PTN: variants seen among roughly 807,000 people sequenced by gnomAD.
PTN encodes the protein heparin affin regulatory protein.
In PTN, 18 loss-of-function variants were observed where a neutral mutation model predicts 24.1. The observed-to-expected ratio is 0.75, with a 90% CI of 0.52 to 1.11. The LOEUF is 1.11. Ranked by LOEUF, PTN falls within the 50% of genes least tolerant of loss-of-function variation. PTN has a pLI of 0.00. For synonymous variants in PTN, 78 were observed against 68.6 expected (o/e 1.14, Z -0.67); for missense variants, 163 against 198.8 (o/e 0.82, Z 1.08).
chr7:137,342,570 G>A (rs1393332099), intron 1 of PTN, among the ~76,000 whole-genome samples: 2 of 151,954 alleles, frequency 1.3e-5, no homozygotes, highest in African/African-American at 4.8e-5. Flanking sequence ...ATGTCATGGA[G>A]AAAGGGGTGT....
chr7:137,316,351 C>T (rs1810071800), intron 1 of PTN, among the ~76,000 whole-genome samples: 1 of 152,156 alleles, frequency 6.6e-6, no homozygotes, highest in African/African-American at 2.4e-5. Flanking sequence ...AAATCCTACA[C>T]CTCATTTTCT....
chr7:137,269,520 G>A (rs113888938), intron 1 of PTN, among the ~76,000 whole-genome samples: 4,407 of 151,066 alleles, frequency 0.029, 217 homozygotes, highest in African/African-American at 0.1. Flanking sequence ...GTTTGCTCCC[G>A]TTCACTTTTG....
intron 1 of PTN, among the ~76,000 whole-genome samples, chr7:137,269,896 G>C (rs1483782640): frequency 6.6e-6 from 1 of 152,052 alleles, no homozygotes; most frequent in African/African-American, 2.4e-5. Context: ...CTCCCAAAGT[G>C]CTGGGATTAC....
chr7:137,328,621 A>C (rs1442894316), intron 1 of PTN, among the ~76,000 whole-genome samples: 3 of 152,148 alleles, frequency 2.0e-5, no homozygotes, highest in Non-Finnish European at 4.4e-5. Context: ...ACAGCAATCC[A>C]ACAAACAATT....
chr7:137,254,725 A>G, intron 2 of PTN, 134 bp downstream of exon 2: 2 of 512,312 alleles, frequency 3.9e-6, no homozygotes, highest in Non-Finnish European at 6.5e-6. Context: ...ATTATTTTTG[A>G]AAAGGGAAGA....
chr7:137,307,025 A>C (rs1410603244), intron 1 of PTN, among the ~76,000 whole-genome samples: 1 of 152,080 alleles, frequency 6.6e-6, no homozygotes, highest in Non-Finnish European at 1.5e-5. Context: ...GAAAAGTGCC[A>C]ATTTTCCATA....
intron 4 of PTN, among the ~76,000 whole-genome samples, chr7:137,244,555 G>T (rs1320760192): frequency 3.0e-5 from 4 of 135,554 alleles, no homozygotes; most frequent in Non-Finnish European, 6.2e-5. Flanking sequence ...AACAAGCCCC[G>T]GTGTGTGATG....
intron 1 of PTN, among the ~76,000 whole-genome samples, chr7:137,335,467 A>G (rs775147956): frequency 1.6e-4 from 25 of 152,214 alleles, no homozygotes; most frequent in Non-Finnish European, 3.1e-4. Flanking sequence ...TGTAAGTTTT[A>G]GAAGCTTTTG....
Position 137,280,725 on chromosome 7 carries a change from A to AAAAAAAAAAAT in PTN, c.-1-25752_-1-25751insATTTTTTTTTT, listed in dbSNP as rs71176392. Among the ~76,000 whole-genome samples, 84 of 138,446 alleles carry AAAAAAAAAAAT rather than the reference A, an allele frequency of 6.1e-4. 3 individuals are homozygous for AAAAAAAAAAAT. The highest frequency in any genetic ancestry group is 1.0e-3 in the Non-Finnish European group (65 of 64,164). 90.8% of individuals were successfully genotyped at this position (138,446 alleles called of 152,430 possible). A position where few individuals can be genotyped will look rare whatever the true frequency, so the allele number is the denominator to read the frequency against. On this transcript the variant is annotated intron_variant, in intron 1 of 4. Transcript: ENST00000348225. ...AAAAAAAAAAAAAAAAAAAAAAAAA[A>AAAAAAAAAAAT]GCTGAGTGTGGTGGCACGTGCCTGT...
chr7:137,249,272 CGTGTGTGTGT>C (rs60014659), intron 4 of PTN, among the ~76,000 whole-genome samples: 6 of 145,372 alleles, frequency 4.1e-5, no homozygotes, highest in East Asian at 4.1e-4. Flanking sequence ...GGACAGTGCA[CGTGTGTGTGT>C]GTGTGTGTGT....
At chr7:137,255,059 C>T (rs925445316) in intron 1 of PTN, 85 bp from the exon 2 acceptor site, 6 of 857,442 alleles carry the variant, frequency 7.0e-6, no homozygotes, top group African/African-American at 6.7e-5. Context: ...GAAAAGGCTC[C>T]ACTTTCCATT....
At chr7:137,271,949 C>T (rs995373866) in intron 1 of PTN, among the ~76,000 whole-genome samples, 1 of 152,192 alleles carries the variant, frequency 6.6e-6, no homozygotes, top group Non-Finnish European at 1.5e-5. Context: ...ACACAGCAGA[C>T]CCATAATATC....
At chr7:137,328,170 CTG>C (rs1454402466) in intron 1 of PTN, among the ~76,000 whole-genome samples, 1 of 152,192 alleles carries the variant, frequency 6.6e-6, no homozygotes, top group Non-Finnish European at 1.5e-5. Flanking sequence ...AAAATTTTTA[CTG>C]TGTGACTAGC....
intron 1 of PTN, among the ~76,000 whole-genome samples, chr7:137,277,014 T>C (rs1183068974): frequency 6.6e-6 from 1 of 152,214 alleles, no homozygotes; most frequent in South Asian, 2.1e-4. Context: ...ATATATAAAT[T>C]ATACAACTAT....
At chr7:137,278,087 C>A (rs1435655171) in intron 1 of PTN, among the ~76,000 whole-genome samples, 2 of 151,518 alleles carry the variant, frequency 1.3e-5, no homozygotes, top group Non-Finnish European at 2.9e-5. Flanking sequence ...GCGGGTGGAT[C>A]ACGAGGTCAG....
chr7:137,263,592 G>A (rs963231404), intron 1 of PTN, among the ~76,000 whole-genome samples: 1 of 152,156 alleles, frequency 6.6e-6, no homozygotes, highest in African/African-American at 2.4e-5. Context: ...GTATCCCCAT[G>A]AGCTGTCTTG....
At chr7:137,262,846 C>T (rs1809067197) in intron 1 of PTN, among the ~76,000 whole-genome samples, 1 of 152,140 alleles carries the variant, frequency 6.6e-6, no homozygotes, top group South Asian at 2.1e-4. Flanking sequence ...TTTTTACTAC[C>T]AGGCTTAGGT....
chr7:137,250,651 A>G (rs1428903943), intron 4 of PTN, among the ~76,000 whole-genome samples: 1 of 152,224 alleles, frequency 6.6e-6, no homozygotes, highest in African/African-American at 2.4e-5. Flanking sequence ...CTCCAGCAAG[A>G]GAGCAGAGCC....
chr7:137,254,934 C>T lies in PTN; in HGVS notation c.40G>A (p.Ala14Thr). 1 of 1,579,602 alleles carries T rather than the reference C, an allele frequency of 6.3e-7. No individual in the cohort carries two copies. Among genetic ancestry groups the T allele is most frequent in the Non-Finnish European group, 8.7e-7 (1 of 1,154,602 alleles). ...AAAATGAATGCCAAGAAGGCAGCTGCAAATTTTCGACGCTGCTGCTGGTAC... is the reference window on the plus strand; with the variant it reads ...AAAATGAATGCCAAGAAGGCAGCTGTAAATTTTCGACGCTGCTGCTGGTAC... Reference protein sequence around the residue: ...QQYQQQRRKFAAAFLAFIFIL... With the variant: ...QQYQQQRRKFTAAFLAFIFIL... Residue 14 changes from alanine to threonine, a missense_variant, in exon 2 of 5, where the codon GCA (alanine) becomes ACA (threonine). Transcript: ENST00000348225.
Sources: allele counts gnomAD v4.1 joint callset (sites outside exome capture counted in the v4.1 genomes callset), GRCh38; gene constraint gnomAD v4.1.1; transcripts MANE v1.5; gene names NCBI Gene and HGNC (gene_info 2026-07-23, HGNC 2026-07-21).